The following SGCZ variants were observed in gnomAD, a reference collection of about 807,000 sequenced individuals.
The protein encoded by SGCZ is sarcoglycan zeta.
SGCZ carries 40 observed loss-of-function variants against 41.3 expected under a neutral mutation model. The observed-to-expected ratio is 0.97, with a 90% CI of 0.75 to 1.26. The LOEUF is 1.26. Among genes scored for constraint, SGCZ ranks in the 50% most tolerant of loss-of-function variants. The pLI is 0.00. For synonymous variants in SGCZ, 206 were observed against 137.5 expected (o/e 1.50, Z -3.49); for missense variants, 552 against 369.8 (o/e 1.49, Z -4.04).
intron 1 of SGCZ, among the ~76,000 whole-genome samples, chr8:14,939,475 A>T (rs901726783): frequency 6.6e-6 from 1 of 152,152 alleles, no homozygotes; most frequent in African/African-American, 2.4e-5. Flanking sequence ...AAATTTAATG[A>T]GCAAATAAAA....
At chr8:14,290,739 TG>T (rs1485424680) in intron 3 of SGCZ, among the ~76,000 whole-genome samples, 10 of 10,278 alleles carry the variant, frequency 9.7e-4, no homozygotes, top group Non-Finnish European at 3.6e-3. Context: ...CTGGTGGGAA[TG>T]TAAATGTAAA....
In SGCZ at chr8:15,065,371, T is replaced by C. The variant is rs368617841; in HGVS notation, c.39+172214A>G. Among the ~76,000 whole-genome samples, 8 of 151,664 alleles carry C rather than the reference T, an allele frequency of 5.3e-5. No individual in the cohort carries two copies. The East Asian group carries it at 1.5e-3, about 29-fold the overall frequency. On this transcript the variant is annotated intron_variant, in intron 1 of 7. Transcript: ENST00000382080. ...AGGAGGCCTAGTTAGGACCCTATGC[T>C]TACTGCTATTATATCTATGGCATCA... is the stretch of plus-strand genomic sequence containing the variant.
chr8:14,344,056 A>G (rs369143685), intron 2 of SGCZ, among the ~76,000 whole-genome samples: 1 of 152,296 alleles, frequency 6.6e-6, no homozygotes. Context: ...CCAGAAATGA[A>G]CAATTCAATA....
intron 1 of SGCZ, among the ~76,000 whole-genome samples, chr8:14,956,212 G>A (rs1800787759): frequency 6.6e-6 from 1 of 151,604 alleles, no homozygotes; most frequent in South Asian, 2.1e-4. Context: ...GCTAATTTTT[G>A]TATATTTAGT....
chr8:14,099,802 T>C (rs1160147376), intron 7 of SGCZ, among the ~76,000 whole-genome samples: 1 of 152,220 alleles, frequency 6.6e-6, no homozygotes, highest in African/African-American at 2.4e-5. Flanking sequence ...TGTGCCATTA[T>C]ACCACTTACA....
intron 1 of SGCZ, among the ~76,000 whole-genome samples, chr8:14,589,018 G>A (rs1221112329): frequency 1.3e-5 from 2 of 152,062 alleles, no homozygotes; most frequent in African/African-American, 4.8e-5. Context: ...ACTAAAATAT[G>A]CATTCTTCTT....
At chr8:14,159,824 T>G (rs1803986582) in intron 5 of SGCZ, among the ~76,000 whole-genome samples, 1 of 152,128 alleles carries the variant, frequency 6.6e-6, no homozygotes, top group African/African-American at 2.4e-5. Flanking sequence ...AGTGTGCCAA[T>G]TTAATAGACA....
At chr8:14,833,936 T>C (rs1374498780) in intron 1 of SGCZ, among the ~76,000 whole-genome samples, 1 of 152,154 alleles carries the variant, frequency 6.6e-6, no homozygotes, top group Non-Finnish European at 1.5e-5. Flanking sequence ...GGAAAATATG[T>C]TTTTAGCCTC....
intron 2 of SGCZ, among the ~76,000 whole-genome samples, chr8:14,504,822 T>A: frequency 6.6e-6 from 1 of 152,186 alleles, no homozygotes; most frequent in Non-Finnish European, 1.5e-5. Context: ...CACTCAGGGC[T>A]GTCTTCAATT....
intron 2 of SGCZ, among the ~76,000 whole-genome samples, chr8:14,423,617 T>C (rs1461423394): frequency 6.6e-6 from 1 of 152,164 alleles, no homozygotes; most frequent in East Asian, 1.9e-4. Context: ...GGTTTCTCCG[T>C]TGATCAGGTT....
chr8:14,963,195 A>G (rs560808463), intron 1 of SGCZ, among the ~76,000 whole-genome samples: 7 of 152,328 alleles, frequency 4.6e-5, no homozygotes, highest in South Asian at 2.1e-4. Context: ...CGAACACCAT[A>G]TATGGCATAC....
At chr8:15,051,099 C>G (rs1380502094) in intron 1 of SGCZ, among the ~76,000 whole-genome samples, 1 of 152,154 alleles carries the variant, frequency 6.6e-6, no homozygotes, top group Non-Finnish European at 1.5e-5. Flanking sequence ...TGAAATCAAA[C>G]TGCTGACAGC....
At chr8:14,896,752 C>G (rs1805214720) in intron 1 of SGCZ, among the ~76,000 whole-genome samples, 1 of 151,992 alleles carries the variant, frequency 6.6e-6, no homozygotes. Context: ...GCTGGGATTA[C>G]AGGCGTGGGC....
intron 1 of SGCZ, among the ~76,000 whole-genome samples, chr8:14,585,598 C>T (rs1191271403): frequency 6.6e-6 from 1 of 152,070 alleles, no homozygotes; most frequent in African/African-American, 2.4e-5. Flanking sequence ...TAAAGTTTTA[C>T]TCTCAGCCTA....
At chr8:14,280,333 T>C (rs1267316883) in intron 3 of SGCZ, among the ~76,000 whole-genome samples, 1 of 151,888 alleles carries the variant, frequency 6.6e-6, no homozygotes, top group East Asian at 1.9e-4. Context: ...ATGTCATATA[T>C]ATAACAGCAG....
Position 14,329,801 on chromosome 8 carries a change from G to C in SGCZ, c.235-5597C>G, listed in dbSNP as rs145750872. Among the ~76,000 whole-genome samples, 93 of 151,992 alleles carry C rather than the reference G, an allele frequency of 6.1e-4. 1 individual carries two copies. The East Asian group carries it at 0.012, about 20-fold the overall frequency. The stretch of plus-strand genomic sequence containing the variant: ...CTAAGTGTCTCCTCCAATCCTGTTT[G>C]TTTTTAGCTGTTTGTTGGTGTTGGT... On this transcript the variant is annotated intron_variant, in intron 2 of 7. Coordinates refer to ENST00000382080, the MANE Select transcript of SGCZ (RefSeq NM_139167.4).
chr8:14,656,454 T>TCTCTCCTTCCTTCTTC (rs1807576782), intron 1 of SGCZ, among the ~76,000 whole-genome samples: 1 of 144,906 alleles, frequency 6.9e-6, no homozygotes, highest in African/African-American at 2.5e-5. Context: ...CTCCCTTCCT[T>TCTCTCCTTCCTTCTTC]CTTTTCTTTT....
At chr8:14,329,585 T>C (rs1208781694) in intron 2 of SGCZ, among the ~76,000 whole-genome samples, 1 of 148,598 alleles carries the variant, frequency 6.7e-6, no homozygotes, top group Non-Finnish European at 1.5e-5. Context: ...TATTTTAGTA[T>C]TATGCTTGCT....
At chr8:14,375,451 T>C (rs1206506294) in intron 2 of SGCZ, among the ~76,000 whole-genome samples, 1 of 152,178 alleles carries the variant, frequency 6.6e-6, no homozygotes, top group African/African-American at 2.4e-5. Context: ...TAACTACCTA[T>C]TTATCTATTT....
Sources: gnomAD v4.1 joint callset for allele counts (sites outside exome capture counted in the v4.1 genomes callset) on GRCh38, gnomAD v4.1.1 for gene constraint, MANE v1.5 for transcripts, NCBI Gene and HGNC (gene_info 2026-07-23, HGNC 2026-07-21) for gene names.